Variants in RGS5 observed in about 807,000 individuals in gnomAD.
RGS5 encodes regulator of G-protein signalling 5.
A neutral mutation model predicts 18.9 loss-of-function variants in RGS5; 20 were observed. The observed-to-expected ratio is 1.06, with a 90% CI of 0.74 to 1.54. The LOEUF (loss-of-function observed/expected upper bound fraction) is 1.54, where lower values mean the gene tolerates loss of function less well. RGS5 is among the 40% of genes most tolerant of loss of function. The pLI is 0.00. For synonymous variants in RGS5, 57 were observed against 76.2 expected, an observed-to-expected ratio of 0.75 and a Z score of 1.31; for missense variants, 201 against 211.8, an observed-to-expected ratio of 0.95 and a Z score of 0.32.
intron 3 of RGS5, among the ~76,000 whole-genome samples, chr1:163,159,378 G>A (rs563318004): frequency 1.2e-4 from 19 of 152,282 alleles, no homozygotes; most frequent in East Asian, 5.8e-4. Flanking sequence ...AAAGACAGGC[G>A]TAAGAAATTA....
chr1:163,252,548 G>A (rs1052619063), intron 2 of RGS5, among the ~76,000 whole-genome samples: 1 of 152,090 alleles, frequency 6.6e-6, no homozygotes, highest in South Asian at 2.1e-4. Context: ...ACTTGAAAAT[G>A]TTCTAGAAAG....
intron 1 of RGS5, among the ~76,000 whole-genome samples, chr1:163,195,405 G>T (rs941162277): frequency 1.3e-5 from 2 of 151,638 alleles, no homozygotes; most frequent in African/African-American, 4.8e-5. Context: ...GTGATATAAT[G>T]GACTGTGGGG....
At chr1:163,233,791 T>C (rs543035666) in intron 2 of RGS5, among the ~76,000 whole-genome samples, 33 of 151,992 alleles carry the variant, frequency 2.2e-4, no homozygotes, top group Non-Finnish European at 3.4e-4. Flanking sequence ...TCGTACAAAG[T>C]ACATTCACAA....
At chr1:163,165,779 G>T (rs1263514991) in intron 2 of RGS5, among the ~76,000 whole-genome samples, 2 of 152,162 alleles carry the variant, frequency 1.3e-5, no homozygotes, top group Non-Finnish European at 2.9e-5. Flanking sequence ...GGTGGCACAT[G>T]CCTGTAATCC....
intron 3 of RGS5, among the ~76,000 whole-genome samples, chr1:163,158,521 C>A (rs1337498846): frequency 1.3e-5 from 2 of 152,102 alleles, no homozygotes; most frequent in African/African-American, 4.8e-5. Context: ...AATCTTAAAG[C>A]TTGGTGTCCA....
intron 2 of RGS5, among the ~76,000 whole-genome samples, chr1:163,242,608 T>C (rs1369487690): frequency 1.3e-5 from 2 of 152,184 alleles, no homozygotes; most frequent in African/African-American, 4.8e-5. Flanking sequence ...AGGACAAGTA[T>C]TGAATGTCAG....
intron 1 of RGS5, among the ~76,000 whole-genome samples, chr1:163,170,973 G>C (rs556012524): frequency 1.3e-5 from 2 of 152,256 alleles, no homozygotes; most frequent in South Asian, 4.2e-4. Context: ...AAGACTTTTT[G>C]AGATGATTAA....
Position 163,147,262 on chromosome 1 carries a change from A to C in RGS5, c.*80T>G. ...ATCACTGAGCAAAGCTGCTGTGGGA[A>C]GATATGTAGATTAATGGGAAATGCA... On this transcript the variant is annotated 3_prime_UTR_variant, in exon 5 of 5. Transcript: ENST00000313961. 1 of 1,419,688 alleles carries C rather than the reference A, an allele frequency of 7.0e-7. No individual in the cohort carries two copies. The highest frequency in any genetic ancestry group is 1.5e-5 in the South Asian group (1 of 66,992). The allele number at this position is 1,419,688 out of a possible 1,614,324, so 87.9% of individuals were successfully genotyped here.
intron 2 of RGS5, among the ~76,000 whole-genome samples, chr1:163,278,422 A>C (rs989727360): frequency 2.0e-5 from 3 of 152,150 alleles, no homozygotes; most frequent in Admixed American, 6.5e-5. Context: ...TCAGACAAGT[A>C]AAAACTGAGA....
At chr1:163,258,981 T>C (rs1184317267) in intron 2 of RGS5, among the ~76,000 whole-genome samples, 1 of 151,076 alleles carries the variant, frequency 6.6e-6, no homozygotes, top group African/African-American at 2.4e-5. Flanking sequence ...CCTGCCAAAA[T>C]GAATATTTTA....
chr1:163,298,824 T>C (rs1649486959), intron 2 of RGS5, among the ~76,000 whole-genome samples: 1 of 152,118 alleles, frequency 6.6e-6, no homozygotes, highest in Admixed American at 6.6e-5. Context: ...GTGCCCTCAG[T>C]TTGAAATAAT....
At chr1:163,284,412 T>C (rs965594865) in intron 2 of RGS5, among the ~76,000 whole-genome samples, 1 of 152,230 alleles carries the variant, frequency 6.6e-6, no homozygotes, top group Non-Finnish European at 1.5e-5. Context: ...ATGTGCATTT[T>C]AAATGTTTGT....
At chr1:163,153,940 ACT>A (rs1657483707) in intron 3 of RGS5, among the ~76,000 whole-genome samples, 1 of 151,998 alleles carries the variant, frequency 6.6e-6, no homozygotes, top group South Asian at 2.1e-4. Context: ...AGAGAGAAAA[ACT>A]CTAATTTTCC....
At chr1:163,310,556 C>A (rs1030843688) in intron 1 of RGS5, among the ~76,000 whole-genome samples, 3 of 123,530 alleles carry the variant, frequency 2.4e-5, no homozygotes, top group African/African-American at 9.4e-5. Flanking sequence ...GCCTGGGCGA[C>A]AGAGCAAGAC....
At chr1:163,206,895 A>G (rs147598422), upstream of RGS5, 36 of 152,344 alleles carry the variant, frequency 2.4e-4, 1 homozygote, top group East Asian at 6.9e-3. Context: ...AAAAGTATAT[A>G]GTAATTATTG....
chr1:163,307,740 C>T lies in RGS5; in HGVS notation c.-377-1411G>A, dbSNP rs371897324. On this transcript the variant is annotated intron_variant, in intron 1 of 5. Coordinates refer to the RGS5 transcript ENST00000618415. ...GATACTACTCATCACTGAAGTACAA[C>T]GGAATTTCAAAGGAAAGAAAAGAAG... Among the ~76,000 whole-genome samples, 16 of 152,136 alleles carry T rather than the reference C, an allele frequency of 1.1e-4. No individual in the cohort carries two copies. The South Asian group carries it at 2.1e-3, about 20-fold the overall frequency.
chr1:163,197,755 T>A (rs1460378663), intron 1 of RGS5, among the ~76,000 whole-genome samples: 1 of 152,194 alleles, frequency 6.6e-6, no homozygotes, highest in Non-Finnish European at 1.5e-5. Context: ...ATATCAGGTA[T>A]AGTAAGCTTG....
chr1:163,299,745 C>A (rs1014157293), intron 2 of RGS5, among the ~76,000 whole-genome samples: 2 of 152,222 alleles, frequency 1.3e-5, no homozygotes, highest in South Asian at 2.1e-4. Context: ...AGTTTAAATT[C>A]TCTGTTTTCT....
intron 2 of RGS5, chr1:163,239,101 G>A (rs554007898): frequency 5.6e-6 from 1 of 180,110 alleles, no homozygotes; most frequent in East Asian, 1.6e-4. Context: ...TCCTGTAACT[G>A]TCATGGCATC....
Sources: allele counts gnomAD v4.1 joint callset (sites outside exome capture counted in the v4.1 genomes callset), GRCh38; gene constraint gnomAD v4.1.1; transcripts MANE v1.5; gene names NCBI Gene and HGNC (gene_info 2026-07-23, HGNC 2026-07-21).